Variants in RARA observed in about 807,000 individuals in gnomAD.
RARA encodes retinoic acid receptor alpha.
In RARA, 5 loss-of-function variants were observed where a neutral mutation model predicts 42.8. That is an observed-to-expected ratio of 0.12 (90% CI 0.06 to 0.25). The LOEUF is 0.25. Among genes scored for constraint, RARA ranks in the 10% least tolerant of loss-of-function variants. The pLI is 1.00. For synonymous variants in RARA, 256 were observed against 259.5 expected, an observed-to-expected ratio of 0.99 and a Z score of 0.13; for missense variants, 402 against 628.7, an observed-to-expected ratio of 0.64 and a Z score of 3.86.
chr17:40,325,365 C>T (rs2033510691), intron 1 of RARA, among the ~76,000 whole-genome samples: 1 of 152,118 alleles, frequency 6.6e-6, no homozygotes, highest in Non-Finnish European at 1.5e-5. Flanking sequence ...AACAGAGGAC[C>T]CGAGTGGCCG....
intron 1 of RARA, among the ~76,000 whole-genome samples, chr17:40,310,826 G>A (rs544147405): frequency 5.9e-5 from 9 of 152,132 alleles, no homozygotes; most frequent in East Asian, 1.9e-4. Flanking sequence ...CACTGCAAAC[G>A]GTAGTAATGG....
In RARA at chr17:40,351,533, T is replaced by G; in HGVS notation, c.470-377T>G. Reference sequence around the variant, plus strand: ...GGAGACTGCAGCTGGGAGGGCTGGGTGAGTGGAGGCGGGAGAAGGACCTTC... The same window carrying G: ...GGAGACTGCAGCTGGGAGGGCTGGGGGAGTGGAGGCGGGAGAAGGACCTTC... On this transcript the variant is annotated intron_variant, in intron 4 of 8. Coordinates refer to ENST00000254066, the MANE Select transcript of RARA (RefSeq NM_000964.4). This position sits in a 1 kb window ranked among gnomAD's most constrained non-coding sequence, Gnocchi z 4.1. 2.1e-6 allele frequency: 1 copy of G among 470,266 alleles called. No homozygotes were observed. The highest frequency in any genetic ancestry group is 6.7e-5 in the East Asian group (1 of 15,006). 29.1% of individuals were successfully genotyped at this position (470,266 alleles called of 1,614,324 possible).
intron 1 of RARA, among the ~76,000 whole-genome samples, chr17:40,329,731 G>A (rs573415853): frequency 6.6e-6 from 1 of 152,316 alleles, no homozygotes; most frequent in Non-Finnish European, 1.5e-5. Flanking sequence ...TGGGATTACA[G>A]GCGTGAGCCA....
rs2034485603 is a variant in RARA, at chr17:40,352,429, C to T, written c.729C>T (p.Ala243=). The change falls in exon 6 of 9, where the codon GCC becomes GCT. Residue 243 remains alanine, a synonymous_variant. Coordinates refer to ENST00000254066, the MANE Select transcript of RARA (RefSeq NM_000964.4). This position sits in a 1 kb window ranked among gnomAD's most constrained non-coding sequence, Gnocchi z 4.9. ...TKCIIKTVEF[A]KQLPGFTTLT... is the part of the protein sequence containing the mutation. Reference sequence around the variant, plus strand: ...GCATCATTAAGACTGTGGAGTTCGCCAAGCAGCTGCCCGGCTTCACCACCC... The same window carrying T: ...GCATCATTAAGACTGTGGAGTTCGCTAAGCAGCTGCCCGGCTTCACCACCC... 8 of 1,613,744 alleles carry T rather than the reference C, an allele frequency of 5.0e-6. No homozygotes were observed. The highest frequency in any genetic ancestry group is 1.7e-5 in the Admixed American group (1 of 59,962).
chr17:40,350,839 G>A (rs768485010), intron 4 of RARA, among the ~76,000 whole-genome samples: 1 of 152,084 alleles, frequency 6.6e-6, no homozygotes, highest in South Asian at 2.1e-4. Context: ...TGCTGCAAGA[G>A]TGGGTGACAA....
rs2034622905 is a variant in RARA at position 40,356,215 on chromosome 17, C to T, written c.1378C>T (p.His460Tyr). The T allele has an allele frequency of 6.5e-7, 1 of 1,549,970 alleles. No homozygotes were observed. The highest frequency in any genetic ancestry group is 8.7e-7 in the Non-Finnish European group (1 of 1,146,878). ...PSSNRSSPAT[H>Y]SP ...CTCCAACAGAAGCAGCCCGGCCACC[C>T]ACTCCCCGTGACCGCCCACGCCACA... Residue 460 changes from histidine to tyrosine, a missense_variant, in exon 9 of 9, where the codon CAC becomes TAC. Transcript: ENST00000254066.
Position 40,357,308 on chromosome 17 carries a change from C to G in RARA, c.*1082C>G, listed in dbSNP as rs564963890. On this transcript the variant is annotated 3_prime_UTR_variant, in exon 9 of 9. Transcript: ENST00000254066. ...CAGCCACCAGCACCCCCATAGGGCC[C>G]CCAGACACCACACACATGCGCGTGC... is the stretch of plus-strand genomic sequence containing the variant. The G allele has an allele frequency of 2.5e-5, 6 of 236,256 alleles. No homozygotes were observed. The highest frequency in any genetic ancestry group is 1.3e-4 in the African/African-American group (6 of 45,362). The allele number at this position is 236,256 out of a possible 1,614,324, so 14.6% of individuals were successfully genotyped here.
chr17:40,310,695 A>G (rs1055647172), intron 1 of RARA, among the ~76,000 whole-genome samples: 1 of 152,142 alleles, frequency 6.6e-6, no homozygotes, highest in African/African-American at 2.4e-5. Context: ...TTACTTAACT[A>G]TATGTGTTTA....
intron 1 of RARA, among the ~76,000 whole-genome samples, chr17:40,315,584 G>A (rs1316002323): frequency 2.6e-5 from 4 of 152,122 alleles, no homozygotes; most frequent in African/African-American, 4.8e-5. Context: ...ACAAACTCCC[G>A]CACCATGGTC....
intron 1 of RARA, among the ~76,000 whole-genome samples, chr17:40,330,383 G>T (rs138410713): frequency 6.6e-6 from 1 of 152,112 alleles, no homozygotes; most frequent in Non-Finnish European, 1.5e-5. Flanking sequence ...CTTGGATCTG[G>T]GGGGGAAGTG....
In RARA at chr17:40,355,946, G is replaced by T; in HGVS notation, c.1172-63G>T. 6.9e-7 allele frequency: 1 copy of T among 1,438,906 alleles called. No homozygotes were observed. The highest frequency in any genetic ancestry group is 9.4e-7 in the Non-Finnish European group (1 of 1,060,686). The allele number at this position is 1,438,906 out of a possible 1,614,324, so 89.1% of individuals were successfully genotyped here. ...GATCTTCCCACCTCGAGCCAGGCTT[G>T]CTGGGGCTGGGGGTGGGAGGGCTGG... On this transcript the variant is annotated intron_variant, in intron 8 of 8. Coordinates refer to ENST00000254066, the MANE Select transcript of RARA (RefSeq NM_000964.4). This position sits in a 1 kb window ranked among gnomAD's most constrained non-coding sequence, Gnocchi z 4.1.
intron 1 of RARA, among the ~76,000 whole-genome samples, chr17:40,325,453 C>G (rs2033515536): frequency 6.6e-6 from 1 of 152,030 alleles, no homozygotes; most frequent in Admixed American, 6.5e-5. Context: ...GAGTAGTCAT[C>G]ACTGCTCCCC....
rs1160347841 is a variant in RARA, at chr17:40,320,880, TG to T, written c.-362-9976del. Among the ~76,000 whole-genome samples, 18 of 152,136 alleles carry T rather than the reference TG, an allele frequency of 1.2e-4. No individual in the cohort carries two copies. The highest frequency in any genetic ancestry group is 4.1e-4 in the African/African-American group (17 of 41,424). On this transcript the variant is annotated intron_variant, in intron 1 of 8. Transcript: ENST00000254066. This position sits in a 1 kb window ranked among gnomAD's most constrained non-coding sequence, Gnocchi z 4.1. ...GCTTGCTCAGTACCCACACCCATCT[TG>T]TGTCGGTAGTTTTGGGAGTGTGGGA...
intron 1 of RARA, among the ~76,000 whole-genome samples, chr17:40,323,953 C>T (rs561572639): frequency 2.0e-5 from 3 of 151,942 alleles, no homozygotes; most frequent in Admixed American, 6.6e-5. Flanking sequence ...ATATGGCATA[C>T]GCAGGGTTGG....
chr17:40,352,213 C>T lies in RARA; in HGVS notation c.631-118C>T. 2 of 1,500,178 alleles carry T rather than the reference C, an allele frequency of 1.3e-6. No individual in the cohort carries two copies. Among genetic ancestry groups the T allele is most frequent in the Non-Finnish European group, 1.8e-6 (2 of 1,131,074 alleles). The allele number at this position is 1,500,178 out of a possible 1,614,324, so 92.9% of individuals were successfully genotyped here. ...TCTCTTCTCCCTCCTCCTGCTGCCT[C>T]TTCCCAAGGAGCTCCCAGGAAGTGA... On this transcript the variant is annotated intron_variant, in intron 5 of 8. Coordinates refer to ENST00000254066, the MANE Select transcript of RARA (RefSeq NM_000964.4). This position sits in a 1 kb window ranked among gnomAD's most constrained non-coding sequence, Gnocchi z 4.9.
At chr17:40,313,182 C>T (rs1326206518) in intron 1 of RARA, among the ~76,000 whole-genome samples, 3 of 152,122 alleles carry the variant, frequency 2.0e-5, no homozygotes, top group African/African-American at 7.2e-5. Context: ...AGACACCTTA[C>T]AGAAGGGACG....
At chr17:40,332,590 C>T (rs1196140432) in intron 2 of RARA, among the ~76,000 whole-genome samples, 1 of 152,194 alleles carries the variant, frequency 6.6e-6, no homozygotes, top group Non-Finnish European at 1.5e-5. Context: ...GCTGGGTGCC[C>T]ACCACCACCA....
At chr17:40,335,239 C>G (rs1315859392) in intron 2 of RARA, among the ~76,000 whole-genome samples, 1 of 151,974 alleles carries the variant, frequency 6.6e-6, no homozygotes, top group Non-Finnish European at 1.5e-5. Context: ...ACTTAGGGCA[C>G]AGAGTGTTTA....
rs2034656132 is a variant in RARA, at chr17:40,357,049, C to T, written c.*823C>T. 2 of 382,634 alleles carry T rather than the reference C, an allele frequency of 5.2e-6. No homozygotes were observed. Among genetic ancestry groups the T allele is most frequent in the African/African-American group, 2.1e-5 (1 of 47,858 alleles). The allele number at this position is 382,634 out of a possible 1,614,324, so 23.7% of individuals were successfully genotyped here. On this transcript the variant is annotated 3_prime_UTR_variant, in exon 9 of 9. Transcript: ENST00000254066. ...CAGCCCCTTTCTCCCTCTGCCTGACCACTGGGTGTGGACGGTGTGGGGCAG... is the reference window on the plus strand; with the variant it reads ...CAGCCCCTTTCTCCCTCTGCCTGACTACTGGGTGTGGACGGTGTGGGGCAG...
Sources: gnomAD v4.1 joint callset for allele counts (sites outside exome capture counted in the v4.1 genomes callset) on GRCh38, gnomAD v4.1.1 for gene constraint, Gnocchi (gnomAD v3.1) non-coding constraint, MANE v1.5 for transcripts, NCBI Gene and HGNC (gene_info 2026-07-23, HGNC 2026-07-21) for gene names.